The following ZNF343 variants were observed in gnomAD, a reference collection of about 807,000 sequenced individuals.
ZNF343 encodes the protein zinc finger protein 343.
ZNF343 carries 11 observed loss-of-function variants against 13.8 expected under a neutral mutation model. The observed-to-expected ratio is 0.80, with a 90% CI of 0.50 to 1.32. The LOEUF (loss-of-function observed/expected upper bound fraction) is 1.32. ZNF343 is among the 40% of genes most tolerant of loss of function. ZNF343 has a pLI of 0.00. For synonymous variants in ZNF343, 248 were observed against 260.0 expected (o/e 0.95, Z 0.44); for missense variants, 658 against 714.2 (o/e 0.92, Z 0.90).
intron 1 of ZNF343, among the ~76,000 whole-genome samples, chr20:2,517,591 TC>T (rs2085764922): frequency 6.6e-6 from 1 of 151,156 alleles, no homozygotes; most frequent in South Asian, 2.1e-4. Flanking sequence ...AGCCTCGACC[TC>T]CTGGGCTCAA....
chr20:2,507,689 A>G (rs1173533195), intron 1 of ZNF343, among the ~76,000 whole-genome samples: 1 of 152,194 alleles, frequency 6.6e-6, no homozygotes, highest in African/African-American at 2.4e-5. Flanking sequence ...ACAATTCTCA[A>G]AGTGTATCCA....
At chr20:2,510,265 G>A (rs574088382), upstream of ZNF343, among the ~76,000 whole-genome samples, 1 of 152,178 alleles carries the variant, frequency 6.6e-6, no homozygotes, top group Non-Finnish European at 1.5e-5. Context: ...GGACATGTTT[G>A]TAATAGATTG....
rs1263507846 is a variant in ZNF343 at position 2,484,657 on chromosome 20, C to A, written c.305-1G>T. 6 of 1,579,064 alleles carry A rather than the reference C, an allele frequency of 3.8e-6. No homozygotes were observed. Among genetic ancestry groups the A allele is most frequent in the Non-Finnish European group, 5.2e-6 (6 of 1,162,988 alleles). On this transcript the variant is annotated splice_acceptor_variant, in intron 5 of 5. Coordinates refer to ENST00000278772, the MANE Select transcript of ZNF343 (RefSeq NM_024325.6). LOFTEE classifies it high-confidence loss of function. The stretch of plus-strand genomic sequence containing the variant: ...GTGTAGATTTCTGGCTTTGGTTCTG[C>A]TGAAGAATGAAAGTTTTCTGTTAGA...
At chr20:2,493,150 G>T (rs2122609616) in intron 4 of ZNF343, 1 of 474,288 alleles carries the variant, frequency 2.1e-6, no homozygotes, top group African/African-American at 2.0e-5. Context: ...GGAATTCAGA[G>T]ATGAAACAGC....
rs539167130 is a variant in ZNF343 at position 2,501,455 on chromosome 20, AAG to A, written c.-236-715_-236-714del. ...TAAATGTCCCTGTCTGACAGCTTTG[AAG>A]AGAGTATTGGTTCTCCCAGCACGCA... On this transcript the variant is annotated intron_variant, in intron 1 of 5. Coordinates refer to ENST00000278772, the MANE Select transcript of ZNF343 (RefSeq NM_024325.6). Among the ~76,000 whole-genome samples, 526 of 152,286 alleles carry A rather than the reference AAG, an allele frequency of 3.5e-3. 3 individuals are homozygous for A. The highest frequency in any genetic ancestry group is 0.011 in the African/African-American group (477 of 41,572).
chr20:2,484,178 C>G lies in ZNF343; in HGVS notation c.783G>C (p.Arg261Ser). 1 of 1,614,208 alleles carries G rather than the reference C, an allele frequency of 6.2e-7. No homozygotes were observed. The highest frequency in any genetic ancestry group is 2.2e-5 in the East Asian group (1 of 44,890). ...TGTAGGGCTTCTTCCCTAAGAGGGT[C>G]CTCGGGTTTGTAATAAAGTTTGATT... is the stretch of plus-strand genomic sequence containing the variant. ...NLESNFITNP[R>S]TLLGKKPYIC... The change falls in exon 6 of 6, where the codon AGG (arginine) becomes AGC (serine). Residue 261 changes from arginine (R) to serine (S), a missense_variant. Physicochemically the swap from Arg to Ser is moderately radical, Grantham distance 110 (BLOSUM62 -1). Transcript: ENST00000278772.
chr20:2,501,303 C>T (rs1188381374), intron 1 of ZNF343, among the ~76,000 whole-genome samples: 2 of 152,280 alleles, frequency 1.3e-5, no homozygotes, highest in Non-Finnish European at 2.9e-5. Context: ...GTAAACAAAG[C>T]GTCCAGGAAG....
chr20:2,521,451 A>G (rs1020156131), intron 1 of ZNF343, among the ~76,000 whole-genome samples: 1 of 152,140 alleles, frequency 6.6e-6, no homozygotes, highest in Non-Finnish European at 1.5e-5. Flanking sequence ...AGAGGTAGAG[A>G]TAGCCTGTGG....
Position 2,482,934 on chromosome 20 carries a change from C to T in ZNF343, c.*227G>A, listed in dbSNP as rs1264530927. ...TCTCTCCTAAGTGTGTCCTTTTGTGCATGCTCAAGGCTGACTGATGGCTAC... is the reference window on the plus strand; with the variant it reads ...TCTCTCCTAAGTGTGTCCTTTTGTGTATGCTCAAGGCTGACTGATGGCTAC... On this transcript the variant is annotated 3_prime_UTR_variant, in exon 6 of 6. Transcript: ENST00000278772. The T allele has an allele frequency of 9.1e-6, 5 of 551,280 alleles. No homozygotes were observed. The highest frequency in any genetic ancestry group is 5.6e-5 in the African/African-American group (3 of 53,166). 34.1% of individuals were successfully genotyped at this position (551,280 alleles called of 1,614,324 possible). A position where few individuals can be genotyped will look rare whatever the true frequency, so the allele number is the denominator to read the frequency against.
chr20:2,487,871 G>A (rs2085305323), intron 5 of ZNF343, among the ~76,000 whole-genome samples: 1 of 152,224 alleles, frequency 6.6e-6, no homozygotes, highest in African/African-American at 2.4e-5. Context: ...GTTAAGAATG[G>A]TGTGTAGTTT....
intron 5 of ZNF343, among the ~76,000 whole-genome samples, chr20:2,487,761 T>C (rs1239402276): frequency 6.6e-6 from 1 of 152,268 alleles, no homozygotes; most frequent in East Asian, 1.9e-4. Flanking sequence ...CCATAATGGC[T>C]GCAGCATTTC....
chr20:2,500,978 A>T (rs1485197949), intron 1 of ZNF343, among the ~76,000 whole-genome samples: 1 of 152,198 alleles, frequency 6.6e-6, no homozygotes, highest in Non-Finnish European at 1.5e-5. Flanking sequence ...CAGTGGGTGC[A>T]GAGCACCGAG....
At position 2,518,416 on chromosome 20, in the gene ZNF343, T is replaced by C. The variant is rs935481740; in HGVS notation, c.-347+6039A>G. Among the ~76,000 whole-genome samples the C allele has an allele frequency of 1.3e-5, 2 of 152,228 alleles. No homozygotes were observed. Among genetic ancestry groups the C allele is most frequent in the Admixed American group, 1.3e-4 (2 of 15,282 alleles). ...ATTGCTCTTAAAAGATCCTTCTTAT[T>C]GCCAGTTAGAGCAAATTAAGTAGAA... On this transcript the variant is annotated intron_variant, in intron 1 of 6. Coordinates refer to the ZNF343 transcript ENST00000358413. This position sits in a 1 kb window ranked among gnomAD's most constrained non-coding sequence, Gnocchi z 4.6.
chr20:2,514,580 T>C (rs1371758688), intron 1 of ZNF343, among the ~76,000 whole-genome samples: 1 of 152,198 alleles, frequency 6.6e-6, no homozygotes, highest in East Asian at 1.9e-4. Context: ...CAAAGTAAGA[T>C]GAATCCAGTC....
chr20:2,521,227 G>A lies in ZNF343; in HGVS notation c.-347+3228C>T, dbSNP rs556406455. 1.5e-3 allele frequency among the ~76,000 whole-genome samples: 232 copies of A among 152,272 alleles called. 3 individuals are homozygous for A. The highest frequency in any genetic ancestry group is 5.2e-3 in the African/African-American group (218 of 41,548). On this transcript the variant is annotated intron_variant, in intron 1 of 6. Transcript: ENST00000358413. ...GAAGAAGAGTGGACTTACCCCCTGG[G>A]CAGATGGTGGAAACCTTGCTTATGG...
intron 1 of ZNF343, among the ~76,000 whole-genome samples, chr20:2,517,010 C>T (rs2085762191): frequency 6.6e-6 from 1 of 152,164 alleles, no homozygotes; most frequent in Non-Finnish European, 1.5e-5. Context: ...CAGAATCATA[C>T]ATTCATATCT....
intron 1 of ZNF343, among the ~76,000 whole-genome samples, chr20:2,516,260 G>A (rs2085759198): frequency 6.6e-6 from 1 of 152,114 alleles, no homozygotes; most frequent in African/African-American, 2.4e-5. Context: ...CTACTCAGGA[G>A]GCTGAGGATT....
At chr20:2,506,896 G>A (rs1010446872) in intron 1 of ZNF343, among the ~76,000 whole-genome samples, 1 of 151,412 alleles carries the variant, frequency 6.6e-6, no homozygotes, top group African/African-American at 2.4e-5. Flanking sequence ...GTATACATAC[G>A]TAACTAACCT....
chr20:2,490,652 C>T (rs1449892411), intron 5 of ZNF343, among the ~76,000 whole-genome samples: 1 of 151,852 alleles, frequency 6.6e-6, no homozygotes, highest in Non-Finnish European at 1.5e-5. Flanking sequence ...AATCTCCTGC[C>T]TCAGCCTCCT....
Sources: allele counts gnomAD v4.1 joint callset (sites outside exome capture counted in the v4.1 genomes callset), GRCh38; gene constraint gnomAD v4.1.1; non-coding constraint Gnocchi (gnomAD v3.1); transcripts MANE v1.5; gene names NCBI Gene and HGNC (gene_info 2026-07-23, HGNC 2026-07-21).